The following PVT1 variants were observed in gnomAD, a reference collection of about 807,000 sequenced individuals.
PVT1 encodes the protein Pvt1 oncogene, also known as CXCR4/PVT1 fusion.
intron 2 of PVT1, among the ~76,000 whole-genome samples, chr8:127,860,626 G>GT (rs1563623758): frequency 1.3e-5 from 2 of 151,938 alleles, no homozygotes; most frequent in Non-Finnish European, 2.9e-5. Context: ...TTAGCTGGGC[G>GT]TGGTGGCACG....
chr8:127,813,044 C>T (rs1814616521), intron 2 of PVT1, among the ~76,000 whole-genome samples: 1 of 151,096 alleles, frequency 6.6e-6, no homozygotes, highest in Non-Finnish European at 1.5e-5. Context: ...CTACTAATAG[C>T]GATATTAAAA....
chr8:127,894,691 C>T (rs549655046), intron 3 of PVT1, among the ~76,000 whole-genome samples: 5 of 152,240 alleles, frequency 3.3e-5, no homozygotes, highest in Non-Finnish European at 7.3e-5. Context: ...GATGTTGGTA[C>T]TTAAGAAAAG....
At chr8:127,843,083 C>T (rs978036177) in intron 2 of PVT1, among the ~76,000 whole-genome samples, 1 of 152,156 alleles carries the variant, frequency 6.6e-6, no homozygotes, top group African/African-American at 2.4e-5. Flanking sequence ...GGGCTGGGCA[C>T]GGTGGCTCGT....
At chr8:127,932,677 T>A in intron 3 of PVT1, 1 of 394,076 alleles carries the variant, frequency 2.5e-6, no homozygotes. Context: ...TCTTTGCTAA[T>A]AAAAAATAAA....
At chr8:127,805,817 G>C (rs997974993) in intron 2 of PVT1, among the ~76,000 whole-genome samples, 4 of 152,096 alleles carry the variant, frequency 2.6e-5, no homozygotes, top group African/African-American at 9.7e-5. Flanking sequence ...TAATATGAAG[G>C]GATGGTTATT....
At chr8:128,095,387 G>A (rs1814414861) in intron 5 of PVT1, among the ~76,000 whole-genome samples, 1 of 152,202 alleles carries the variant, frequency 6.6e-6, no homozygotes, top group African/African-American at 2.4e-5. Context: ...TTCTAGAACA[G>A]TGCCTGGCTG....
intron 4 of PVT1, among the ~76,000 whole-genome samples, chr8:128,048,802 C>T (rs531071412): frequency 4.6e-5 from 7 of 152,308 alleles, no homozygotes; most frequent in South Asian, 2.1e-4. Flanking sequence ...AAGAGGAAGG[C>T]GAAAGCGCTT....
At chr8:127,970,110 A>G (rs896243349) in intron 3 of PVT1, among the ~76,000 whole-genome samples, 4 of 151,912 alleles carry the variant, frequency 2.6e-5, no homozygotes, top group Non-Finnish European at 5.9e-5. Flanking sequence ...ATAAGAAGGA[A>G]AGGCCTTACC....
At chr8:127,986,428 G>A (rs1050347218) in intron 3 of PVT1, among the ~76,000 whole-genome samples, 7 of 152,234 alleles carry the variant, frequency 4.6e-5, no homozygotes, top group African/African-American at 1.4e-4. Context: ...TGGCTTGCTC[G>A]GCCACATCAG....
Position 127,911,137 on chromosome 8 carries a change from C to T in PVT1, n.782+20139C>T, listed in dbSNP as rs1051086529. Among the ~76,000 whole-genome samples the T allele has an allele frequency of 8.5e-5, 13 of 152,132 alleles. 1 individual carries two copies. The highest frequency in any genetic ancestry group is 3.1e-4 in the African/African-American group (13 of 41,420). On this transcript the variant is annotated intron_variant and non_coding_transcript_variant, in intron 3 of 10. Transcript: ENST00000651587. ...TCCTCTTCCTCCTGCCCTGAACCGT[C>T]CAGGGACTCAGAGGAGGTCAGACAG...
At chr8:127,986,805 T>C (rs1394067145) in intron 3 of PVT1, among the ~76,000 whole-genome samples, 2 of 152,178 alleles carry the variant, frequency 1.3e-5, no homozygotes, top group African/African-American at 4.8e-5. Context: ...TTCCTTAATT[T>C]CCATGGAACA....
At chr8:127,826,406 C>T (rs911333332) in intron 2 of PVT1, among the ~76,000 whole-genome samples, 2 of 152,100 alleles carry the variant, frequency 1.3e-5, no homozygotes, top group Non-Finnish European at 2.9e-5. Context: ...GATTCCCCAG[C>T]GTTGAGTTCA....
At chr8:127,887,931 GTTTTTT>G (rs560976785) in intron 2 of PVT1, among the ~76,000 whole-genome samples, 64 of 66,590 alleles carry the variant, frequency 9.6e-4, no homozygotes, top group African/African-American at 3.8e-3. Flanking sequence ...ACTCTATCTT[GTTTTTT>G]TTTTTTTTTT....
At chr8:128,023,577 C>T (rs1269154403) in intron 4 of PVT1, among the ~76,000 whole-genome samples, 2 of 152,176 alleles carry the variant, frequency 1.3e-5, no homozygotes, top group Non-Finnish European at 1.5e-5. Flanking sequence ...TTGCCTGATA[C>T]ATCAACTACT....
chr8:128,078,436 G>T (rs571275142), intron 5 of PVT1, among the ~76,000 whole-genome samples: 47 of 152,306 alleles, frequency 3.1e-4, no homozygotes, highest in African/African-American at 1.1e-3. Context: ...TTACTTGCTT[G>T]TAAGCAACCC....
chr8:128,050,775 C>T (rs2720662), intron 4 of PVT1, among the ~76,000 whole-genome samples: 46,305 of 152,054 alleles, frequency 0.3, 7,643 homozygotes, highest in East Asian at 0.59. Flanking sequence ...TGGGGCTTGA[C>T]TTGTCAGATA....
intron 3 of PVT1, among the ~76,000 whole-genome samples, chr8:127,912,958 A>G (rs930991434): frequency 1.3e-5 from 2 of 152,118 alleles, no homozygotes; most frequent in African/African-American, 2.4e-5. Flanking sequence ...TTCACCTCCC[A>G]AAGTGTTGGG....
intron 2 of PVT1, among the ~76,000 whole-genome samples, chr8:127,868,897 A>G (rs1369386926): frequency 6.7e-6 from 1 of 150,112 alleles, no homozygotes; most frequent in Non-Finnish European, 1.5e-5. Flanking sequence ...ACAAACCCAC[A>G]GGCACTGCTG....
intron 5 of PVT1, among the ~76,000 whole-genome samples, chr8:128,074,121 C>A (rs1814047488): frequency 6.6e-6 from 1 of 152,072 alleles, no homozygotes; most frequent in Non-Finnish European, 1.5e-5. Flanking sequence ...AACATTGATG[C>A]AGAGAAAATG....
Sources: gnomAD v4.1 joint callset for allele counts (sites outside exome capture counted in the v4.1 genomes callset) on GRCh38, gnomAD v4.1.1 for gene constraint, MANE v1.5 for transcripts, NCBI Gene and HGNC (gene_info 2026-07-23, HGNC 2026-07-21) for gene names.